Variants in CACNA1C observed in about 807,000 individuals in gnomAD.
CACNA1C encodes calcium voltage-gated channel subunit alpha1 C, also known as voltage-dependent L-type calcium channel subunit alpha-1C.
In CACNA1C, 30 loss-of-function variants were observed where a neutral mutation model predicts 229.0. That is an observed-to-expected ratio of 0.13 (90% CI 0.10 to 0.18). The LOEUF (loss-of-function observed/expected upper bound fraction) is 0.18, where lower values mean the gene tolerates loss of function less well. Among genes scored for constraint, CACNA1C ranks in the 10% least tolerant of loss-of-function variants. The pLI, the probability that CACNA1C is intolerant of heterozygous loss-of-function variation, is 1.00. For synonymous variants in CACNA1C, 1,114 were observed against 1,132.5 expected (o/e 0.98, Z 0.33); for missense variants, 1,658 against 2,845.0 (o/e 0.58, Z 9.49).
intron 37 of CACNA1C, among the ~76,000 whole-genome samples, chr12:2,668,213 G>C (rs1197737732): frequency 1.3e-5 from 2 of 152,252 alleles, no homozygotes; most frequent in African/African-American, 4.8e-5. Context: ...CCAGTGGAGA[G>C]CACACCTGCA....
chr12:2,407,979 A>G (rs1043952705), intron 3 of CACNA1C, among the ~76,000 whole-genome samples: 1 of 152,234 alleles, frequency 6.6e-6, no homozygotes, highest in Non-Finnish European at 1.5e-5. Context: ...AGCAAAGGCC[A>G]AGTGGGGAAC....
intron 1 of CACNA1C, among the ~76,000 whole-genome samples, chr12:2,003,117 G>C (rs2042566419): frequency 6.6e-6 from 1 of 152,054 alleles, no homozygotes; most frequent in Non-Finnish European, 1.5e-5. Context: ...TAAGAACTTT[G>C]GGCAAAACTG....
At chr12:1,997,536 A>G (rs2041233286) in intron 1 of CACNA1C, among the ~76,000 whole-genome samples, 1 of 152,246 alleles carries the variant, frequency 6.6e-6, no homozygotes, top group South Asian at 2.1e-4. Context: ...CAAAAAAAAG[A>G]AAAATGATCA....
At chr12:2,596,280 T>G in intron 20 of CACNA1C, 1 of 314,952 alleles carries the variant, frequency 3.2e-6, no homozygotes, top group Non-Finnish European at 5.8e-6. Context: ...GAAGCTCTAG[T>G]TCCCTGCAAA....
At chr12:2,492,638 A>G (rs2099738333) in intron 6 of CACNA1C, among the ~76,000 whole-genome samples, 1 of 152,244 alleles carries the variant, frequency 6.6e-6, no homozygotes, top group Non-Finnish European at 1.5e-5. Flanking sequence ...CTGGCAATGT[A>G]TCCTCTAATA....
intron 3 of CACNA1C, among the ~76,000 whole-genome samples, chr12:2,433,664 C>G (rs2099108161): frequency 8.1e-6 from 1 of 122,756 alleles, no homozygotes; most frequent in South Asian, 2.9e-4. Context: ...CCTCCATTGC[C>G]TACAGACAGC....
At chr12:2,581,097 T>A (rs7299658) in intron 13 of CACNA1C, among the ~76,000 whole-genome samples, 1 of 152,064 alleles carries the variant, frequency 6.6e-6, no homozygotes, top group Non-Finnish European at 1.5e-5. Context: ...GCATTCATGG[T>A]GGGGGAAAAA....
intron 1 of CACNA1C, among the ~76,000 whole-genome samples, chr12:2,113,871 C>T (rs144274630): frequency 6.6e-6 from 1 of 152,346 alleles, no homozygotes; most frequent in East Asian, 1.9e-4. Flanking sequence ...GGGACAGTCT[C>T]AGAGGCTTCG....
chr12:2,531,690 C>T (rs552268552), intron 9 of CACNA1C, among the ~76,000 whole-genome samples: 6 of 152,320 alleles, frequency 3.9e-5, no homozygotes, highest in South Asian at 4.1e-4. Flanking sequence ...TCTGCCAGCA[C>T]GCATCCAGCA....
chr12:2,088,393 G>A (rs563828080), intron 1 of CACNA1C, among the ~76,000 whole-genome samples: 4 of 152,280 alleles, frequency 2.6e-5, no homozygotes, highest in Middle Eastern at 3.4e-3. Context: ...CCGTGAACAC[G>A]GTGGTTAGAG....
intron 1 of CACNA1C, among the ~76,000 whole-genome samples, chr12:2,038,596 TA>T (rs2049545862): frequency 6.6e-6 from 1 of 152,236 alleles, no homozygotes; most frequent in Admixed American, 6.5e-5. Context: ...GAGTTTTTGA[TA>T]AGTCAAAGAA....
intron 1 of CACNA1C, among the ~76,000 whole-genome samples, chr12:2,042,229 A>C (rs888488091): frequency 1.3e-5 from 2 of 152,108 alleles, no homozygotes; most frequent in African/African-American, 4.8e-5. Flanking sequence ...ATTTTACCCT[A>C]ATACGATATA....
chr12:2,526,670 T>C (rs2099818992), intron 9 of CACNA1C, among the ~76,000 whole-genome samples: 1 of 152,200 alleles, frequency 6.6e-6, no homozygotes. Flanking sequence ...AAGAAACGTG[T>C]TTGCACAAGA....
chr12:2,177,786 G>A (rs2096714394), intron 3 of CACNA1C, among the ~76,000 whole-genome samples: 1 of 151,978 alleles, frequency 6.6e-6, no homozygotes, highest in South Asian at 2.1e-4. Flanking sequence ...ATAGGCTTCT[G>A]CCACCACACC....
intron 3 of CACNA1C, among the ~76,000 whole-genome samples, chr12:2,259,988 A>G (rs936761372): frequency 6.6e-6 from 1 of 152,028 alleles, no homozygotes; most frequent in Admixed American, 6.6e-5. Flanking sequence ...ATGCTCAGAG[A>G]ATCCCCCTCT....
At chr12:2,513,469 G>C (rs542207965) in intron 9 of CACNA1C, among the ~76,000 whole-genome samples, 1 of 152,344 alleles carries the variant, frequency 6.6e-6, no homozygotes, top group African/African-American at 2.4e-5. Flanking sequence ...TTTTCCTTAA[G>C]GGGGTTAGAT....
intron 3 of CACNA1C, among the ~76,000 whole-genome samples, chr12:2,140,987 A>G (rs1325334709): frequency 6.6e-6 from 1 of 151,178 alleles, no homozygotes; most frequent in Non-Finnish European, 1.5e-5. Context: ...GCGGGTAGGC[A>G]GGGAGGGTCT....
chr12:2,302,952 C>T (rs564410212), intron 3 of CACNA1C, among the ~76,000 whole-genome samples: 13 of 152,312 alleles, frequency 8.5e-5, no homozygotes, highest in South Asian at 2.1e-4. Context: ...GGGGCTCTTG[C>T]GGCCCCGGGA....
chr12:2,668,677 G>A (rs2096375127), intron 37 of CACNA1C: 3 of 444,046 alleles, frequency 6.8e-6, no homozygotes, highest in Non-Finnish European at 1.2e-5. Context: ...AAGGGGGAGG[G>A]ACCACACACT....
Sources: allele counts gnomAD v4.1 joint callset (sites outside exome capture counted in the v4.1 genomes callset), GRCh38; gene constraint gnomAD v4.1.1; transcripts MANE v1.5; gene names NCBI Gene and HGNC (gene_info 2026-07-23, HGNC 2026-07-21).